Variants in CPVL observed in about 807,000 individuals in gnomAD.
The protein encoded by CPVL is probable serine carboxypeptidase CPVL.
CPVL carries 51 observed loss-of-function variants against 63.7 expected under a neutral mutation model. The observed-to-expected ratio is 0.80, with a 90% CI of 0.64 to 1.01. The LOEUF (loss-of-function observed/expected upper bound fraction) is 1.01, where lower values mean the gene tolerates loss of function less well. Among genes scored for constraint, CPVL ranks in the 50% least tolerant of loss-of-function variants. The pLI is 0.00. For missense variants in CPVL, 530 were observed against 573.1 expected (o/e 0.92, Z 0.77); for synonymous variants, 195 against 206.0 (o/e 0.95, Z 0.46).
At chr7:29,030,813 G>A in intron 11 of CPVL, 54 bp from the exon 12 acceptor site, 1 of 1,485,896 alleles carries the variant, frequency 6.7e-7, no homozygotes, top group Non-Finnish European at 9.1e-7. Context: ...TGAAGCTCAT[G>A]AATCGAGCTA....
intron 12 of CPVL, among the ~76,000 whole-genome samples, chr7:29,001,545 C>T (rs113074332): frequency 5.9e-5 from 9 of 152,246 alleles, no homozygotes; most frequent in African/African-American, 2.2e-4. Flanking sequence ...CAAGCCAAAG[C>T]TTGTTAGCAG....
chr7:29,136,702 A>T (rs1791264813), intron 1 of CPVL, among the ~76,000 whole-genome samples: 1 of 152,148 alleles, frequency 6.6e-6, no homozygotes, highest in Non-Finnish European at 1.5e-5. Flanking sequence ...TTATCATGAG[A>T]ATTATAACAT....
intron 10 of CPVL, among the ~76,000 whole-genome samples, chr7:29,064,618 C>G (rs11981538): frequency 0.051 from 7,748 of 152,172 alleles, 232 homozygotes; most frequent in Middle Eastern, 0.085. Flanking sequence ...GAAAGAAGGT[C>G]AAATGGATCA....
At chr7:29,065,000 G>A (rs1783009432) in intron 10 of CPVL, among the ~76,000 whole-genome samples, 1 of 151,696 alleles carries the variant, frequency 6.6e-6, no homozygotes, top group African/African-American at 2.4e-5. Flanking sequence ...AATGTGAAAA[G>A]AGATGATACT....
At chr7:29,193,418 A>G (rs535498468) in intron 1 of CPVL, 3 of 152,298 alleles carry the variant, frequency 2.0e-5, no homozygotes, top group South Asian at 4.1e-4. Flanking sequence ...TAAATTGACT[A>G]TGTTCTTTTA....
At chr7:29,109,719 C>T (rs1788069072) in intron 3 of CPVL, among the ~76,000 whole-genome samples, 1 of 152,152 alleles carries the variant, frequency 6.6e-6, no homozygotes. Flanking sequence ...CACCAGAACA[C>T]CATGTACACT....
intron 3 of CPVL, among the ~76,000 whole-genome samples, chr7:29,104,363 C>G (rs1330060021): frequency 6.6e-6 from 1 of 152,140 alleles, no homozygotes; most frequent in African/African-American, 2.4e-5. Context: ...CCAGTGCAAG[C>G]GATTCTCCTG....
At chr7:29,043,665 A>G (rs1219648954) in intron 11 of CPVL, among the ~76,000 whole-genome samples, 1 of 152,188 alleles carries the variant, frequency 6.6e-6, no homozygotes, top group East Asian at 1.9e-4. Flanking sequence ...TCATTACCCA[A>G]TGACAAGACT....
chr7:29,135,593 A>C (rs566076257), intron 1 of CPVL, among the ~76,000 whole-genome samples: 2 of 152,188 alleles, frequency 1.3e-5, no homozygotes, highest in African/African-American at 4.8e-5. Flanking sequence ...CAGCCTCCCA[A>C]AGTGCTTGGA....
At position 29,034,671 on chromosome 7, in the gene CPVL, TA is replaced by T. The variant is rs1481044481; in HGVS notation, c.1138-3913del. On this transcript the variant is annotated intron_variant, in intron 11 of 12. Coordinates refer to ENST00000265394, the MANE Select transcript of CPVL (RefSeq NM_031311.5). ...TAATTCTTTAAAAAGTTTAATTAAT[TA>T]ATTAATTTAGAGACCAGGTTATGAG... 4.0e-5 allele frequency among the ~76,000 whole-genome samples: 6 copies of T among 151,826 alleles called. No individual in the cohort carries two copies. The East Asian group carries it at 1.2e-3, about 29-fold the overall frequency.
At chr7:29,068,702 T>G (rs527411113) in intron 9 of CPVL, among the ~76,000 whole-genome samples, 1 of 150,008 alleles carries the variant, frequency 6.7e-6, no homozygotes, top group South Asian at 2.1e-4. Context: ...TTCTTTGTTT[T>G]TTTTTTTTTT....
chr7:29,136,041 CAG>C (rs1400518706), intron 1 of CPVL, among the ~76,000 whole-genome samples: 1 of 152,100 alleles, frequency 6.6e-6, no homozygotes, highest in Non-Finnish European at 1.5e-5. Flanking sequence ...AGCCCACTAA[CAG>C]GGGAACTAGG....
intron 2 of CPVL, among the ~76,000 whole-genome samples, chr7:29,116,513 T>A (rs1788791514): frequency 6.6e-6 from 1 of 152,238 alleles, no homozygotes; most frequent in Admixed American, 6.5e-5. Context: ...ACTTCCTCCT[T>A]GTTTTTTACT....
In CPVL at chr7:29,128,353, A is replaced by T. The variant is rs368964745; in HGVS notation, c.-10-7282T>A. ...ATTAGTTATTGATCCTTTCCCTCCCAGGGACAGCTATCTCATTCCTGTTTC... is the reference window on the plus strand; with the variant it reads ...ATTAGTTATTGATCCTTTCCCTCCCTGGGACAGCTATCTCATTCCTGTTTC... On this transcript the variant is annotated intron_variant, in intron 1 of 12. Transcript: ENST00000265394. Among the ~76,000 whole-genome samples, 45 of 152,252 alleles carry T rather than the reference A, an allele frequency of 3.0e-4. No individual in the cohort carries two copies. The South Asian group carries it at 7.3e-3, about 25-fold the overall frequency.
chr7:29,094,797 G>A (rs1786227594), intron 5 of CPVL, among the ~76,000 whole-genome samples: 1 of 151,974 alleles, frequency 6.6e-6, no homozygotes, highest in Non-Finnish European at 1.5e-5. Context: ...CGGGGAGGCG[G>A]AGGTTGCAGT....
intron 11 of CPVL, among the ~76,000 whole-genome samples, chr7:29,050,413 A>T (rs1053642338): frequency 1.7e-4 from 26 of 152,250 alleles, no homozygotes; most frequent in African/African-American, 5.1e-4. Flanking sequence ...CTGCAAAAAA[A>T]AAAAATAAAA....
rs1475549770 is a variant in CPVL, at chr7:29,071,961, G to A, written c.733-57C>T. 42 of 1,600,550 alleles carry A rather than the reference G, an allele frequency of 2.6e-5. No individual in the cohort carries two copies. In the East Asian group the frequency reaches 8.9e-4, roughly 34 times the overall value. ...CAAAGGGAGAGAAAGAGACCTTAAG[G>A]AAGCCCATTTGCTTGGTGAAATAAT... On this transcript the variant is annotated intron_variant, in intron 8 of 12. Transcript: ENST00000265394.
chr7:29,042,362 G>GGAA (rs1220877697), intron 11 of CPVL, among the ~76,000 whole-genome samples: 1 of 152,102 alleles, frequency 6.6e-6, no homozygotes, highest in Non-Finnish European at 1.5e-5. Flanking sequence ...TAGCACTGTG[G>GGAA]GAAGCTGAGG....
upstream of CPVL, chr7:29,146,540 G>T: frequency 6.6e-7 from 1 of 1,513,266 alleles, no homozygotes; most frequent in South Asian, 1.3e-5. Context: ...CCAGTCACGA[G>T]GACCCTGCAG....
Sources: allele counts gnomAD v4.1 joint callset (sites outside exome capture counted in the v4.1 genomes callset), GRCh38; gene constraint gnomAD v4.1.1; transcripts MANE v1.5; gene names NCBI Gene and HGNC (gene_info 2026-07-23, HGNC 2026-07-21).